RBFOX1: variants seen among roughly 807,000 people sequenced by gnomAD.
The protein encoded by RBFOX1 is RNA binding protein fox-1 homolog 1.
RBFOX1 carries 8 observed loss-of-function variants against 57.7 expected under a neutral mutation model. The observed-to-expected ratio is 0.14, with a 90% confidence interval of 0.08 to 0.25. The LOEUF (loss-of-function observed/expected upper bound fraction) is 0.25, where lower values mean the gene tolerates loss of function less well. RBFOX1 is among the 10% of genes least tolerant of loss of function. RBFOX1 has a pLI of 1.00. For missense variants in RBFOX1, 611 were observed against 548.5 expected (o/e 1.11, Z -1.14); for synonymous variants, 326 against 222.4 (o/e 1.47, Z -4.15).
At chr16:6,647,922 A>T (rs1283396273) in intron 2 of RBFOX1, among the ~76,000 whole-genome samples, 1 of 152,156 alleles carries the variant, frequency 6.6e-6, no homozygotes, top group Non-Finnish European at 1.5e-5. Flanking sequence ...GCTTACTGCA[A>T]CATCAGTCTA....
intron 1 of RBFOX1, among the ~76,000 whole-genome samples, chr16:5,243,407 C>T (rs2062217649): frequency 6.6e-6 from 1 of 152,174 alleles, no homozygotes; most frequent in African/African-American, 2.4e-5. Context: ...AGAGGAGCAT[C>T]CGCGTTGCAG....
chr16:5,416,555 T>G (rs997117812), intron 1 of RBFOX1, among the ~76,000 whole-genome samples: 1 of 152,214 alleles, frequency 6.6e-6, no homozygotes, highest in Non-Finnish European at 1.5e-5. Flanking sequence ...GGTTATAGAA[T>G]TCCAGGTTGA....
chr16:6,948,473 C>A (rs1459302867), intron 3 of RBFOX1, among the ~76,000 whole-genome samples: 1 of 138,804 alleles, frequency 7.2e-6, no homozygotes, highest in Non-Finnish European at 1.5e-5. Context: ...ACCTTTGCCT[C>A]CTTGGTTCAA....
intron 3 of RBFOX1, among the ~76,000 whole-genome samples, chr16:5,814,958 A>G (rs1028802444): frequency 8.6e-5 from 13 of 151,894 alleles, no homozygotes; most frequent in East Asian, 1.9e-4. Context: ...AAGAAAAAAA[A>G]AAAATTTTAT....
At chr16:7,412,005 G>A (rs2098433797) in intron 4 of RBFOX1, among the ~76,000 whole-genome samples, 2 of 151,664 alleles carry the variant, frequency 1.3e-5, no homozygotes, top group African/African-American at 4.8e-5. Flanking sequence ...TGGTGTCTCA[G>A]ATGGGATCCT....
chr16:6,615,919 C>A (rs887540561), intron 2 of RBFOX1, among the ~76,000 whole-genome samples: 2 of 152,182 alleles, frequency 1.3e-5, no homozygotes, highest in Admixed American at 6.5e-5. Flanking sequence ...CTCATAACCT[C>A]CCTCGGTGCA....
intron 4 of RBFOX1, among the ~76,000 whole-genome samples, chr16:7,143,618 G>T (rs1235344115): frequency 6.6e-6 from 1 of 152,072 alleles, no homozygotes; most frequent in Non-Finnish European, 1.5e-5. Flanking sequence ...TATCTTTTCT[G>T]TGTCCTTGAA....
In RBFOX1 at chr16:6,478,423, ATATATATTTTTTTTTTTT is replaced by A. The variant is rs1200200743; in HGVS notation, c.-64+161368_-64+161385del. Among the ~76,000 whole-genome samples, 37 of 12,002 alleles carry A rather than the reference ATATATATTTTTTTTTTTT, an allele frequency of 3.1e-3. 1 individual carries two copies. The highest frequency in any genetic ancestry group is 7.3e-3 in the African/African-American group (35 of 4,794). The allele number at this position is 12,002 out of a possible 152,430, so 7.9% of individuals were successfully genotyped here. On this transcript the variant is annotated intron_variant, in intron 2 of 15. Coordinates refer to ENST00000550418, the MANE Select transcript of RBFOX1 (RefSeq NM_018723.4). ...TATATATATATATATATATATATAT[ATATATATTTTTTTTTTTT>A]TTTTTTGTATTTTTAGTAGAGACAG...
intron 3 of RBFOX1, among the ~76,000 whole-genome samples, chr16:5,700,321 G>A (rs781698464): frequency 1.9e-4 from 29 of 151,698 alleles, no homozygotes; most frequent in Admixed American, 5.9e-4. Context: ...GTTAGTGGGT[G>A]GTAATGTGTC....
intron 3 of RBFOX1, among the ~76,000 whole-genome samples, chr16:6,729,057 T>C (rs1381067518): frequency 6.6e-6 from 1 of 152,202 alleles, no homozygotes; most frequent in Non-Finnish European, 1.5e-5. Context: ...ATCCTGTTTC[T>C]CACATATTCC....
At chr16:7,666,717 G>GA (rs1339482419) in intron 13 of RBFOX1, among the ~76,000 whole-genome samples, 1 of 152,096 alleles carries the variant, frequency 6.6e-6, no homozygotes, top group Non-Finnish European at 1.5e-5. Context: ...TGCAAATAGA[G>GA]AAAAAACAAA....
chr16:6,164,819 C>A (rs867206765), intron 1 of RBFOX1, among the ~76,000 whole-genome samples: 3 of 152,130 alleles, frequency 2.0e-5, no homozygotes, highest in South Asian at 2.1e-4. Context: ...GAGCTCGTTA[C>A]AAGAAGACTG....
chr16:7,532,691 A>C (rs2080421696), intron 5 of RBFOX1, among the ~76,000 whole-genome samples: 1 of 152,148 alleles, frequency 6.6e-6, no homozygotes, highest in South Asian at 2.1e-4. Context: ...TCGTGGGCCG[A>C]TTCCTGCCTG....
Position 7,353,508 on chromosome 16 carries a change from C to T in RBFOX1, c.28-164639C>T, listed in dbSNP as rs183551811. 2.5e-3 allele frequency among the ~76,000 whole-genome samples: 374 copies of T among 152,094 alleles called. 6 individuals are homozygous for T. The highest frequency in any genetic ancestry group is 7.5e-4 in the Non-Finnish European group (51 of 68,014). On this transcript the variant is annotated intron_variant, in intron 4 of 15. Transcript: ENST00000550418. ...ATATGTGTACACAAAAACGTGTGTA[C>T]CAGTGTTTATAATAGCATTATTCAT... is the stretch of plus-strand genomic sequence containing the variant.
intron 5 of RBFOX1, among the ~76,000 whole-genome samples, chr16:7,575,885 C>G (rs1225207973): frequency 6.6e-6 from 1 of 152,166 alleles, no homozygotes; most frequent in Non-Finnish European, 1.5e-5. Context: ...TCATCTCCTG[C>G]TGCATTTCAT....
chr16:7,000,896 CT>C (rs2092731293), intron 3 of RBFOX1, among the ~76,000 whole-genome samples: 3 of 152,172 alleles, frequency 2.0e-5, no homozygotes, highest in Non-Finnish European at 4.4e-5. Context: ...GCCACCGCAC[CT>C]GGGAAACACA....
intron 3 of RBFOX1, among the ~76,000 whole-genome samples, chr16:6,780,297 TTATACATATA>T (rs1203102026): frequency 2.0e-5 from 1 of 49,868 alleles, no homozygotes; most frequent in Admixed American, 4.2e-4. Context: ...ATATATATAT[TTATACATATA>T]TATATTTATT....
intron 1 of RBFOX1, among the ~76,000 whole-genome samples, chr16:5,251,662 C>T (rs573706730): frequency 1.9e-3 from 291 of 152,244 alleles, no homozygotes; most frequent in African/African-American, 6.5e-3. Flanking sequence ...ACAGTGGCTG[C>T]TTGGAGTGAG....
chr16:6,608,875 T>C (rs2097991186), intron 2 of RBFOX1, among the ~76,000 whole-genome samples: 1 of 152,244 alleles, frequency 6.6e-6, no homozygotes, highest in Admixed American at 6.5e-5. Flanking sequence ...GGGCTGTTTT[T>C]TTCTTGAGCC....
Sources: allele counts gnomAD v4.1 joint callset (sites outside exome capture counted in the v4.1 genomes callset), GRCh38; gene constraint gnomAD v4.1.1; transcripts MANE v1.5; gene names NCBI Gene and HGNC (gene_info 2026-07-23, HGNC 2026-07-21).